Variants in DNAH5 observed in about 807,000 individuals in gnomAD.
DNAH5 encodes axonemal beta dynein heavy chain 5.
A neutral mutation model predicts 518.2 loss-of-function variants in DNAH5; 372 were observed. The observed-to-expected ratio is 0.72, with a 90% confidence interval of 0.66 to 0.78. DNAH5 has a LOEUF of 0.78. Among genes scored for constraint, DNAH5 ranks in the 30% least tolerant of loss-of-function variants. DNAH5 has a pLI of 0.00. For synonymous variants in DNAH5, 2,039 were observed against 2,025.9 expected (o/e 1.01, Z -0.17); for missense variants, 5,523 against 5,687.0 (o/e 0.97, Z 0.93).
chr5:13,727,711 A>G (rs1745946653), intron 69 of DNAH5, 55 bp from the exon 70 acceptor site: 1 of 1,597,480 alleles, frequency 6.3e-7, no homozygotes, highest in Non-Finnish European at 8.6e-7. Context: ...TCTTTCAGTA[A>G]CAGGTCATAG....
At chr5:13,743,150 C>G (rs1468578788) in intron 65 of DNAH5, among the ~76,000 whole-genome samples, 1 of 151,844 alleles carries the variant, frequency 6.6e-6, no homozygotes, top group South Asian at 2.1e-4. Flanking sequence ...TCCTTCCCAC[C>G]AAAGGGATTA....
intron 72 of DNAH5, 80 bp downstream of exon 72, chr5:13,718,802 G>A: frequency 8.3e-7 from 1 of 1,204,890 alleles, no homozygotes; most frequent in African/African-American, 1.5e-5. Context: ...CTGTATCCTA[G>A]CTAATCCTTT....
chr5:13,864,504 C>T lies in DNAH5; in HGVS notation c.4489G>A (p.Glu1497Lys). The T allele has an allele frequency of 1.2e-6, 2 of 1,614,150 alleles. No individual in the cohort carries two copies. Among genetic ancestry groups the T allele is most frequent in the Non-Finnish European group, 1.7e-6 (2 of 1,180,024 alleles). The change falls in exon 28 of 79, where the codon GAA becomes AAA. Residue 1497 changes from glutamate (E) to lysine (K), a missense_variant. Transcript: ENST00000265104. Reference sequence around the variant, plus strand: ...TGCCCGGTGAGGGTGGTTATCCTTTCCCAGTGCCGCTCCATCATGGCTTTA... The same window carrying T: ...TGCCCGGTGAGGGTGGTTATCCTTTTCCAGTGCCGCTCCATCATGGCTTTA... ...ASKAMMERHW[E>K]RITTLTGHSL...
intron 23 of DNAH5, 144 bp downstream of exon 23, chr5:13,871,420 A>T (rs1770083582): frequency 2.7e-6 from 2 of 728,480 alleles, no homozygotes; most frequent in East Asian, 2.7e-5. Flanking sequence ...AAAATTTTTT[A>T]AAAATCCACA....
At chr5:13,940,165 T>G (rs375278611) in intron 1 of DNAH5, among the ~76,000 whole-genome samples, 98 of 152,258 alleles carry the variant, frequency 6.4e-4, no homozygotes, top group Non-Finnish European at 5.9e-5. Context: ...CATATCCCGG[T>G]GTCCACAGCC....
intron 1 of DNAH5, among the ~76,000 whole-genome samples, chr5:13,955,364 C>T (rs1780693442): frequency 6.6e-6 from 1 of 152,142 alleles, no homozygotes; most frequent in Admixed American, 6.5e-5. Flanking sequence ...ATGAATTACC[C>T]AGTCTCAGGT....
Position 13,714,533 on chromosome 5 carries a change from G to A in DNAH5, c.12997C>T (p.Leu4333=). Residue 4333 remains leucine (L), a synonymous_variant, in exon 75 of 79, where the codon CTG becomes TTG. Coordinates refer to ENST00000265104, the MANE Select transcript of DNAH5 (RefSeq NM_001369.3). The part of the protein sequence containing the change: ...TYQSKLAKDV[L]DTILGIQPKD... The stretch of plus-strand genomic sequence containing the variant: ...GGTTGGATGCCTAGGATGGTGTCCA[G>A]CACGTCCTTGGCCAGCTTGCTCTGG... The A allele has an allele frequency of 6.2e-7, 1 of 1,614,176 alleles. No individual in the cohort carries two copies. The highest frequency in any genetic ancestry group is 8.5e-7 in the Non-Finnish European group (1 of 1,180,008).
chr5:13,990,237 T>G (rs943830371), intron 1 of DNAH5, among the ~76,000 whole-genome samples: 1 of 152,176 alleles, frequency 6.6e-6, no homozygotes, highest in African/African-American at 2.4e-5. Flanking sequence ...CAACACACAG[T>G]TGTTCTAAAA....
intron 11 of DNAH5, 149 bp downstream of exon 11, chr5:13,913,594 T>C: frequency 2.1e-6 from 2 of 961,332 alleles, no homozygotes; most frequent in South Asian, 3.5e-5. Context: ...CAAACAAATC[T>C]AATTTCTTTA....
chr5:13,919,585 T>G (rs916189766), intron 6 of DNAH5, among the ~76,000 whole-genome samples: 2 of 152,252 alleles, frequency 1.3e-5, no homozygotes, highest in Admixed American at 1.3e-4. Context: ...TTTCCTCTTT[T>G]GAAAATAGTT....
chr5:13,737,144 C>A, intron 66 of DNAH5, 108 bp downstream of exon 66: 1 of 1,549,032 alleles, frequency 6.5e-7, no homozygotes, highest in Non-Finnish European at 8.9e-7. Flanking sequence ...AACACCTCCA[C>A]TTTGCATAAT....
chr5:13,750,949 T>G (rs1750127716), intron 65 of DNAH5, 129 bp downstream of exon 65: 2 of 1,036,764 alleles, frequency 1.9e-6, no homozygotes, highest in Admixed American at 4.4e-5. Flanking sequence ...ACTTGGAGAT[T>G]AATGGAAAAA....
At position 13,717,521 on chromosome 5, in the gene DNAH5, C is replaced by T. The variant is rs1744470051; in HGVS notation, c.12500-1G>A. 3 of 1,613,870 alleles carry T rather than the reference C, an allele frequency of 1.9e-6. No homozygotes were observed. Among genetic ancestry groups the T allele is most frequent in the Non-Finnish European group, 2.5e-6 (3 of 1,179,812 alleles). On this transcript the variant is annotated splice_acceptor_variant, in intron 72 of 78. Coordinates refer to ENST00000265104, the MANE Select transcript of DNAH5 (RefSeq NM_001369.3). LOFTEE classifies it high-confidence loss of function. ...ACGTCCAGCAGGTCTTGGCTGACAC[C>T]TGTTGTGGTCAGTTGGGTGAAAAAT...
chr5:13,748,971 G>A (rs1430876987), intron 65 of DNAH5, among the ~76,000 whole-genome samples: 1 of 151,948 alleles, frequency 6.6e-6, no homozygotes, highest in Non-Finnish European at 1.5e-5. Context: ...TGTAGGAAAT[G>A]ACCCAAAAGC....
chr5:13,736,275 TAGGGACCTCATCCTTA>T (rs919630065), intron 66 of DNAH5, among the ~76,000 whole-genome samples: 2 of 152,188 alleles, frequency 1.3e-5, no homozygotes, highest in African/African-American at 4.8e-5. Context: ...AGGTAGCCAT[TAGGGACCTCATCCTTA>T]AGTTCCAGGG....
At chr5:13,824,803 C>T (rs936660626) in intron 38 of DNAH5, among the ~76,000 whole-genome samples, 1 of 152,086 alleles carries the variant, frequency 6.6e-6, no homozygotes, top group African/African-American at 2.4e-5. Context: ...AAAAAAGCAC[C>T]TGCGCTTCAG....
chr5:13,729,621 AG>A (rs1472755217), intron 68 of DNAH5, 61 bp from the exon 69 acceptor site: 3 of 1,431,164 alleles, frequency 2.1e-6, no homozygotes, highest in Non-Finnish European at 2.9e-6. Flanking sequence ...CAATCTATTT[AG>A]TAAAATTTGT....
rs768567429 is a variant in DNAH5, at chr5:13,814,737, C to G, written c.7098G>C (p.Arg2366=). 104 of 1,614,052 alleles carry G rather than the reference C, an allele frequency of 6.4e-5. No individual in the cohort carries two copies. The highest frequency in any genetic ancestry group is 8.5e-5 in the Non-Finnish European group (100 of 1,179,994). The stretch of plus-strand genomic sequence containing the variant: ...TCTTGCAGTTTGGAGCCATGGGAAT[C>G]CGATCACCATTGGCAAGGGTTAGAG... ...NKTLTLANGD[R]IPMAPNCKII... is the part of the protein sequence containing the mutation. The change falls in exon 43 of 79, where the codon CGG becomes CGC. Residue 2366 remains arginine, a synonymous_variant. Coordinates refer to ENST00000265104, the MANE Select transcript of DNAH5 (RefSeq NM_001369.3).
intron 42 of DNAH5, among the ~76,000 whole-genome samples, chr5:13,815,550 C>A (rs1761344954): frequency 1.3e-5 from 2 of 152,214 alleles, no homozygotes; most frequent in South Asian, 4.1e-4. Context: ...ACCATGCTGG[C>A]TCCCTGATCT....
Sources: gnomAD v4.1 joint callset for allele counts (sites outside exome capture counted in the v4.1 genomes callset) on GRCh38, gnomAD v4.1.1 for gene constraint, MANE v1.5 for transcripts, NCBI Gene and HGNC (gene_info 2026-07-23, HGNC 2026-07-21) for gene names.